Variants in CHTF8 observed in about 807,000 individuals in gnomAD.
CHTF8 encodes the protein chromosome transmission fidelity protein 8 homolog.
In CHTF8, 6 loss-of-function variants were observed where a neutral mutation model predicts 11.0. That is an observed-to-expected ratio of 0.55 (90% CI 0.30 to 1.08). CHTF8 has a LOEUF of 1.08. Among genes scored for constraint, CHTF8 ranks in the 50% least tolerant of loss-of-function variants. The pLI, the probability that CHTF8 is intolerant of heterozygous loss-of-function variation, is 0.07. For missense variants in CHTF8, 140 were observed against 153.1 expected (o/e 0.91, Z 0.45); for synonymous variants, 53 against 60.5 (o/e 0.88, Z 0.57).
intron 1 of CHTF8, among the ~76,000 whole-genome samples, chr16:69,131,911 TC>T (rs1962555351): frequency 6.7e-6 from 1 of 149,306 alleles, no homozygotes; most frequent in Non-Finnish European, 1.5e-5. Context: ...CCCAGAAGCC[TC>T]CCCCCTCCAC....
At position 69,119,489 on chromosome 16, in the gene CHTF8, CCATGGG is replaced by C. The variant is rs1961450187; in HGVS notation, c.*930_*935del. ...CGAGAGCTAGGACCCGAGTTTGGGCCCATGGGGCCAGGTACTCTTGCCATGGAGGAT... is the reference window on the plus strand; with the variant it reads ...CGAGAGCTAGGACCCGAGTTTGGGCCGCCAGGTACTCTTGCCATGGAGGAT... On this transcript the variant is annotated 3_prime_UTR_variant, in exon 4 of 4. Transcript: ENST00000448552. The C allele has an allele frequency of 1.4e-6, 1 of 702,890 alleles. No homozygotes were observed. Among genetic ancestry groups the C allele is most frequent in the South Asian group, 1.5e-5 (1 of 67,610 alleles). The allele number at this position is 702,890 out of a possible 1,614,324, so 43.5% of individuals were successfully genotyped here. A position where few individuals can be genotyped will look rare whatever the true frequency, so the allele number is the denominator to read the frequency against.
chr16:69,119,223 G>A lies in CHTF8; in HGVS notation c.*1202C>T, dbSNP rs913256731. ...CTGGGTTGGGGCCAAGTGGCCCAGA[G>A]GCTCTTGGGAAAATGGTTGGATTTG... On this transcript the variant is annotated 3_prime_UTR_variant, in exon 4 of 4. Coordinates refer to ENST00000448552, the MANE Select transcript of CHTF8 (RefSeq NM_001039690.5). 7.1e-6 allele frequency: 5 copies of A among 702,892 alleles called. No homozygotes were observed. The highest frequency in any genetic ancestry group is 1.7e-5 in the African/African-American group (1 of 57,278). The allele number at this position is 702,892 out of a possible 1,614,324, so 43.5% of individuals were successfully genotyped here.
At position 69,120,896 on chromosome 16, in the gene CHTF8, A is replaced by G; in HGVS notation, c.141+157T>C. 1.3e-6 allele frequency: 1 copy of G among 787,302 alleles called. No individual in the cohort carries two copies. The highest frequency in any genetic ancestry group is 1.4e-5 in the South Asian group (1 of 72,492). 48.8% of individuals were successfully genotyped at this position (787,302 alleles called of 1,614,324 possible). A position where few individuals can be genotyped will look rare whatever the true frequency, so the allele number is the denominator to read the frequency against. On this transcript the variant is annotated intron_variant, in intron 3 of 3. Coordinates refer to ENST00000448552, the MANE Select transcript of CHTF8 (RefSeq NM_001039690.5). This position sits in a 1 kb window ranked among gnomAD's most constrained non-coding sequence, Gnocchi z 4.0. ...TTCCCCAAAATTAAATTTCCCTGCT[A>G]CTGCAGAGGTAGGGGGAGAACAAGC...
At chr16:69,128,861 C>T (rs1057237064) in intron 1 of CHTF8, among the ~76,000 whole-genome samples, 1 of 151,924 alleles carries the variant, frequency 6.6e-6, no homozygotes, top group Admixed American at 6.6e-5. Flanking sequence ...GTCATGAGTT[C>T]GAAATCAGCT....
chr16:69,120,194 A>G lies in CHTF8; in HGVS notation c.*231T>C, dbSNP rs1056541290. 62 of 702,072 alleles carry G rather than the reference A, an allele frequency of 8.8e-5. No homozygotes were observed. Among genetic ancestry groups the G allele is most frequent in the African/African-American group, 8.4e-4 (48 of 57,234 alleles). The allele number at this position is 702,072 out of a possible 1,614,324, so 43.5% of individuals were successfully genotyped here. ...GGGAAAGGTGCTGGATTTGAAGCCAATGAGCCTGATGAAGCTGGAAAAGGA... is the reference window on the plus strand; with the variant it reads ...GGGAAAGGTGCTGGATTTGAAGCCAGTGAGCCTGATGAAGCTGGAAAAGGA... On this transcript the variant is annotated 3_prime_UTR_variant, in exon 4 of 4. Transcript: ENST00000448552. This position sits in a 1 kb window ranked among gnomAD's most constrained non-coding sequence, Gnocchi z 4.0.
Position 69,120,495 on chromosome 16 carries a change from A to G in CHTF8, c.296T>C (p.Leu99Pro). ...TTTGAAAAGGATCTTGTCTTTGATG[A>G]GTGCTGTCACCAGGTACCGGGTGCC... ...ETGTRYLVTA[L>P]IKDKILFKTR... The change falls in exon 4 of 4, where the codon CTC becomes CCC. Residue 99 changes from leucine (L) to proline (P), a missense_variant. Leu to Pro is a moderately conservative substitution (Grantham distance 98, BLOSUM62 -3). Transcript: ENST00000448552. This position sits in a 1 kb window ranked among gnomAD's most constrained non-coding sequence, Gnocchi z 4.0. 6.2e-7 allele frequency: 1 copy of G among 1,614,044 alleles called. No homozygotes were observed. The highest frequency in any genetic ancestry group is 8.5e-7 in the Non-Finnish European group (1 of 1,180,018).
intron 1 of CHTF8, among the ~76,000 whole-genome samples, chr16:69,124,794 C>T (rs532166632): frequency 1.8e-4 from 28 of 152,298 alleles, no homozygotes; most frequent in African/African-American, 6.7e-4. Flanking sequence ...AGACACTGTG[C>T]AAGCTTGAGA....
chr16:69,120,188 A>G lies in CHTF8; in HGVS notation c.*237T>C, dbSNP rs937653542. Reference sequence around the variant, plus strand: ...CCAGCCGGGAAAGGTGCTGGATTTGAAGCCAATGAGCCTGATGAAGCTGGA... The same window carrying G: ...CCAGCCGGGAAAGGTGCTGGATTTGGAGCCAATGAGCCTGATGAAGCTGGA... On this transcript the variant is annotated 3_prime_UTR_variant, in exon 4 of 4. Coordinates refer to ENST00000448552, the MANE Select transcript of CHTF8 (RefSeq NM_001039690.5). The surrounding 1 kb of genome is among the most constrained non-coding windows in gnomAD (Gnocchi z 4.0). 2.8e-6 allele frequency: 2 copies of G among 701,874 alleles called. No homozygotes were observed. Among genetic ancestry groups the G allele is most frequent in the African/African-American group, 3.5e-5 (2 of 57,232 alleles). 43.5% of individuals were successfully genotyped at this position (701,874 alleles called of 1,614,324 possible). A position where few individuals can be genotyped will look rare whatever the true frequency, so the allele number is the denominator to read the frequency against.
At chr16:69,121,965 G>A (rs1961706452) in intron 1 of CHTF8, among the ~76,000 whole-genome samples, 1 of 151,490 alleles carries the variant, frequency 6.6e-6, no homozygotes, top group African/African-American at 2.4e-5. Flanking sequence ...CACCGCGCCC[G>A]GCCCTAGAGA....
chr16:69,118,463 G>T lies in CHTF8; in HGVS notation c.*1962C>A. Reference sequence around the variant, plus strand: ...ACGCCACGTTTCTAGAGAGCAGTGAGCTGATTCTCCAATGGTGAGCAGGGG... The same window carrying T: ...ACGCCACGTTTCTAGAGAGCAGTGATCTGATTCTCCAATGGTGAGCAGGGG... On this transcript the variant is annotated 3_prime_UTR_variant, in exon 4 of 4. Coordinates refer to ENST00000448552, the MANE Select transcript of CHTF8 (RefSeq NM_001039690.5). 3.2e-6 allele frequency: 5 copies of T among 1,577,342 alleles called. No homozygotes were observed. The highest frequency in any genetic ancestry group is 4.4e-6 in the Non-Finnish European group (5 of 1,146,432).
In CHTF8 at chr16:69,118,946, C is replaced by T; in HGVS notation, c.*1479G>A. On this transcript the variant is annotated 3_prime_UTR_variant, in exon 4 of 4. Transcript: ENST00000448552. Reference sequence around the variant, plus strand: ...GGGTTTGTGCCAGGGAGGCTCCCCACTCTAGGAAATGGGACGAAACTCTTG... The same window carrying T: ...GGGTTTGTGCCAGGGAGGCTCCCCATTCTAGGAAATGGGACGAAACTCTTG... 1 of 703,046 alleles carries T rather than the reference C, an allele frequency of 1.4e-6. No homozygotes were observed. Among genetic ancestry groups the T allele is most frequent in the South Asian group, 1.5e-5 (1 of 67,596 alleles). The allele number at this position is 703,046 out of a possible 1,614,324, so 43.6% of individuals were successfully genotyped here. A position where few individuals can be genotyped will look rare whatever the true frequency, so the allele number is the denominator to read the frequency against.
chr16:69,130,908 T>C (rs139301491), intron 1 of CHTF8, among the ~76,000 whole-genome samples: 1 of 152,372 alleles, frequency 6.6e-6, no homozygotes, highest in East Asian at 1.9e-4. Flanking sequence ...CTTCAGGGAT[T>C]AAGTTCTGGA....
chr16:69,121,071 G>T lies in CHTF8; in HGVS notation c.123C>A (p.Asp41Glu), dbSNP rs1381748443. 3.1e-6 allele frequency: 5 copies of T among 1,613,914 alleles called. No individual in the cohort carries two copies. The highest frequency in any genetic ancestry group is 4.2e-6 in the Non-Finnish European group (5 of 1,179,858). The part of the protein sequence containing the change: ...STGLAGNLLG[D>E]LHYTTEGIPV... The stretch of plus-strand genomic sequence containing the variant: ...CCCTCACCTCAGTGGTGTAATGTAG[G>T]TCTCCCAGGAGGTTTCCAGCTAATC... Residue 41 changes from aspartate to glutamate, a missense_variant, in exon 3 of 4, where the codon GAC (aspartate) becomes GAA (glutamate). Asp to Glu is a conservative substitution (Grantham distance 45). Transcript: ENST00000448552.
chr16:69,121,483 G>C lies in CHTF8; in HGVS notation c.-25C>G. 4 of 1,594,268 alleles carry C rather than the reference G, an allele frequency of 2.5e-6. No individual in the cohort carries two copies. Among genetic ancestry groups the C allele is most frequent in the Non-Finnish European group, 3.4e-6 (4 of 1,170,838 alleles). ...TGAGCTTTCTGTCTTTAAAAAGCAA[G>C]TGAAAACAAGCTGTAGAGAGAAAAA... On this transcript the variant is annotated 5_prime_UTR_variant, in exon 2 of 4. Coordinates refer to ENST00000448552, the MANE Select transcript of CHTF8 (RefSeq NM_001039690.5).
intron 1 of CHTF8, among the ~76,000 whole-genome samples, chr16:69,129,429 C>CAAAAAAAAAAA (rs11420871): frequency 1.3e-5 from 1 of 75,602 alleles, no homozygotes; most frequent in African/African-American, 4.9e-5. Context: ...GACTCCGTCA[C>CAAAAAAAAAAA]AAAAAAAAAA....
At chr16:69,132,283 G>A (rs1171031505) in intron 1 of CHTF8, 2 of 56,246 alleles carry the variant, frequency 3.6e-5, no homozygotes, top group Non-Finnish European at 7.0e-5. Flanking sequence ...CCTCCGCGCC[G>A]CCCTCCCGCC....
In CHTF8 at chr16:69,118,850, G is replaced by GTGTT; in HGVS notation, c.*1571_*1574dup. 1.4e-6 allele frequency: 1 copy of GTGTT among 699,894 alleles called. No homozygotes were observed. The highest frequency in any genetic ancestry group is 2.6e-6 in the Non-Finnish European group (1 of 382,934). The allele number at this position is 699,894 out of a possible 1,614,324, so 43.4% of individuals were successfully genotyped here. On this transcript the variant is annotated 3_prime_UTR_variant, in exon 4 of 4. Transcript: ENST00000448552. ...CCAAGGTGGTCCTGGAGGGAAAATG[G>GTGTT]TGTTTAAGGGGGCAACATTCCATTT...
chr16:69,122,237 G>A (rs779724948), intron 1 of CHTF8, among the ~76,000 whole-genome samples: 3 of 152,124 alleles, frequency 2.0e-5, no homozygotes, highest in Non-Finnish European at 4.4e-5. Context: ...ATCACCAATG[G>A]TCAACTGTAT....
intron 1 of CHTF8, among the ~76,000 whole-genome samples, chr16:69,123,649 AAATC>A (rs201428860): frequency 3.9e-5 from 6 of 152,134 alleles, no homozygotes; most frequent in East Asian, 1.9e-4. Context: ...CTGTCTCAAA[AAATC>A]AATCAATCAA....
Sources: gnomAD v4.1 joint callset for allele counts (sites outside exome capture counted in the v4.1 genomes callset) on GRCh38, gnomAD v4.1.1 for gene constraint, Gnocchi (gnomAD v3.1) non-coding constraint, MANE v1.5 for transcripts, NCBI Gene and HGNC (gene_info 2026-07-23, HGNC 2026-07-21) for gene names.